Variants in KRT84 observed in about 807,000 individuals in gnomAD.
The protein encoded by KRT84 is keratin, type II cuticular Hb4.
Under a neutral mutation model 49.0 loss-of-function variants are expected in KRT84, and 38 were observed. The ratio of observed to expected loss-of-function variants is 0.78; its 90% CI spans 0.60 to 1.02. KRT84 has a LOEUF of 1.02. Ranked by LOEUF, KRT84 falls within the 50% of genes least tolerant of loss-of-function variation. KRT84 has a pLI of 0.00. For missense variants in KRT84, 860 were observed against 788.6 expected, an observed-to-expected ratio of 1.09 and a Z score of -1.08; for synonymous variants, 334 against 312.8, an observed-to-expected ratio of 1.07 and a Z score of -0.72.
upstream of KRT84, among the ~76,000 whole-genome samples, chr12:52,385,957 G>C (rs1338871935): frequency 6.6e-6 from 1 of 152,152 alleles, no homozygotes; most frequent in African/African-American, 2.4e-5. Flanking sequence ...GGTCATAAAT[G>C]CAATAGGTTT....
chr12:52,386,754 A>T (rs1394933703), upstream of KRT84, among the ~76,000 whole-genome samples: 5 of 152,342 alleles, frequency 3.3e-5, no homozygotes, highest in Admixed American at 1.3e-4. Flanking sequence ...AAAAGTTCTC[A>T]GCAGCTGAAT....
At chr12:52,381,611 C>T (rs883710) in intron 4 of KRT84, 86 bp from the exon 5 acceptor site, 311,821 of 1,351,240 alleles carry the variant, frequency 0.23, 41,363 homozygotes, top group African/African-American at 0.57. Context: ...GGAAGTGGTG[C>T]CAGGGGCAGA....
At chr12:52,379,610 C>T (rs1227906852) in intron 8 of KRT84, among the ~76,000 whole-genome samples, 1 of 152,206 alleles carries the variant, frequency 6.6e-6, no homozygotes, top group Non-Finnish European at 1.5e-5. Context: ...GACAAGGCCG[C>T]TCAAAGCAAA....
In KRT84 at chr12:52,383,004, C is replaced by A. The variant is rs761458044; in HGVS notation, c.816+1G>T. The A allele has an allele frequency of 1.4e-5, 22 of 1,613,514 alleles. No individual in the cohort carries two copies. The highest frequency in any genetic ancestry group is 1.8e-5 in the Non-Finnish European group (21 of 1,179,722). ...TGGCCTGGTCTGTGGTTCCCCCTTACCTTCTTCAGAGCCACAAACTCATTC... is the reference window on the plus strand; with the variant it reads ...TGGCCTGGTCTGTGGTTCCCCCTTAACTTCTTCAGAGCCACAAACTCATTC... On this transcript the variant is annotated splice_donor_variant, in intron 3 of 8. Transcript: ENST00000257951. LOFTEE classifies it high-confidence loss of function.
chr12:52,383,903 G>C, intron 1 of KRT84, 105 bp from the exon 2 acceptor site: 1 of 883,140 alleles, frequency 1.1e-6, no homozygotes, highest in Admixed American at 2.3e-5. Context: ...ATGTCGACAG[G>C]GTTCTCTCCT....
chr12:52,380,966 TC>T (rs1405809415), intron 6 of KRT84, 113 bp downstream of exon 6: 4 of 1,398,324 alleles, frequency 2.9e-6, no homozygotes, highest in Non-Finnish European at 3.9e-6. Flanking sequence ...ATCCCTCCAT[TC>T]CTTGGTTTCT....
rs1434959794 is a variant in KRT84 at position 52,378,268 on chromosome 12, G to A, written c.1569C>T (p.Thr523=). 4 of 1,553,884 alleles carry A rather than the reference G, an allele frequency of 2.6e-6. No homozygotes were observed. Among genetic ancestry groups the A allele is most frequent in the Non-Finnish European group, 3.5e-6 (4 of 1,150,758 alleles). Residue 523 remains threonine (T), a synonymous_variant, in exon 9 of 9, where the codon ACC becomes ACT. Coordinates refer to ENST00000257951, the MANE Select transcript of KRT84 (RefSeq NM_033045.4). ...GGCCACAGGAAGCCAGGACCCCACT[G>A]GTGGCACAGACGCTGCTGCTACCTG... ...TFSGSSSVCA[T]SGVLASCGPS... is the part of the protein sequence containing the mutation.
intron 7 of KRT84, 151 bp from the exon 8 acceptor site, chr12:52,380,058 C>T (rs958056441): frequency 1.9e-5 from 14 of 722,810 alleles, no homozygotes; most frequent in Non-Finnish European, 2.8e-5. Flanking sequence ...TTGAAAAACA[C>T]GTTCTTAGAC....
At chr12:52,385,966 T>A (rs186162430), upstream of KRT84, among the ~76,000 whole-genome samples, 2 of 152,320 alleles carry the variant, frequency 1.3e-5, no homozygotes, top group Admixed American at 6.5e-5. Flanking sequence ...TGCAATAGGT[T>A]TTTTCACTGT....
intron 1 of KRT84, 103 bp from the exon 2 acceptor site, chr12:52,383,901 AG>A: frequency 1.1e-6 from 1 of 908,660 alleles, no homozygotes; most frequent in Non-Finnish European, 1.7e-6. Flanking sequence ...ACATGTCGAC[AG>A]GGTTCTCTCC....
chr12:52,385,310 A>C lies in KRT84; in HGVS notation c.276T>G (p.Gly92=), dbSNP rs536401445. ...GCGMGFGDGR[G]VGLGPRADSC... ...TGTCAGCCCTAGGCCCCAGACCAAC[A>C]CCTCTCCCATCACCAAAACCCATCC... The change falls in exon 1 of 9, where the codon GGT becomes GGG. Residue 92 remains glycine, a synonymous_variant. Transcript: ENST00000257951. 6.2e-7 allele frequency: 1 copy of C among 1,613,670 alleles called. No individual in the cohort carries two copies. The highest frequency in any genetic ancestry group is 1.1e-5 in the South Asian group (1 of 91,046).
At chr12:52,385,920 G>A (rs1184934927), upstream of KRT84, among the ~76,000 whole-genome samples, 1 of 152,078 alleles carries the variant, frequency 6.6e-6, no homozygotes, top group Admixed American at 6.5e-5. Context: ...TACCACAATT[G>A]CCATTAAGGG....
At position 52,380,442 on chromosome 12, in the gene KRT84, G is replaced by A. The variant is rs772811613; in HGVS notation, c.1345C>T (p.Gln449Ter). 3 of 1,614,190 alleles carry A rather than the reference G, an allele frequency of 1.9e-6. No individual in the cohort carries two copies. The Admixed American group carries it at 5.0e-5, about 27-fold the overall frequency. ...CCCAGCTTGGCATTCATCAGCTCCTGGTACTCGCACAGCTGCCGCGCCATG... is the reference window on the plus strand; with the variant it reads ...CCCAGCTTGGCATTCATCAGCTCCTAGTACTCGCACAGCTGCCGCGCCATG... ...QDMARQLCEY[Q>*]ELMNAKLGLD... Residue 449 changes from glutamine (Q) to a stop codon, truncating the protein, a stop_gained, in exon 7 of 9, where the codon CAG becomes TAG. Coordinates refer to ENST00000257951, the MANE Select transcript of KRT84 (RefSeq NM_033045.4). LOFTEE classifies it high-confidence loss of function.
chr12:52,379,970 A>G, intron 7 of KRT84, 63 bp from the exon 8 acceptor site: 2 of 1,437,196 alleles, frequency 1.4e-6, no homozygotes, highest in Non-Finnish European at 2.0e-6. Flanking sequence ...CCTATTTGCC[A>G]TAAAAAGGGC....
intron 8 of KRT84, 109 bp from the exon 9 acceptor site, chr12:52,378,489 T>C: frequency 1.2e-6 from 1 of 809,150 alleles, no homozygotes; most frequent in East Asian, 3.1e-5. Context: ...GGGGTCAGGG[T>C]TGTGGCATCT....
At position 52,382,545 on chromosome 12, in the gene KRT84, GAGA is replaced by G. The variant is rs1565775857; in HGVS notation, c.817-16_817-14del. 1 of 1,604,780 alleles carries G rather than the reference GAGA, an allele frequency of 6.2e-7. No homozygotes were observed. The highest frequency in any genetic ancestry group is 8.5e-7 in the Non-Finnish European group (1 of 1,171,568). Reference sequence around the variant, plus strand: ...CTGCATCCACATCCTGTATAAAACAGAGAAGGATAAATACTCATCGCCTGGGCA... The same window carrying G: ...CTGCATCCACATCCTGTATAAAACAGAGGATAAATACTCATCGCCTGGGCA... On this transcript the variant is annotated splice_polypyrimidine_tract_variant and intron_variant, in intron 3 of 8. Transcript: ENST00000257951.
At position 52,378,101 on chromosome 12, in the gene KRT84, C is replaced by A. The variant is rs200967408; in HGVS notation, c.1736G>T (p.Cys579Phe). The part of the protein sequence containing the change: ...PLPTQGGFSS[C>F]SGGRSSSVRF... ...GACGCTGGAGCTGCGGCCGCCGCTG[C>A]AGCTGCTGAAGCCCCCCTGGGTGGG... is the stretch of plus-strand genomic sequence containing the variant. Residue 579 changes from cysteine to phenylalanine, a missense_variant, in exon 9 of 9, where the codon TGC (cysteine) becomes TTC (phenylalanine). Transcript: ENST00000257951. The A allele has an allele frequency of 1.1e-5, 16 of 1,513,050 alleles. No homozygotes were observed. The African/African-American group carries it at 2.0e-4, about 19-fold the overall frequency. 93.7% of individuals were successfully genotyped at this position (1,513,050 alleles called of 1,614,324 possible). A position where few individuals can be genotyped will look rare whatever the true frequency, so the allele number is the denominator to read the frequency against.
chr12:52,382,480 G>A lies in KRT84; in HGVS notation c.869C>T (p.Thr290Ile), dbSNP rs771725015. 1 of 1,614,110 alleles carries A rather than the reference G, an allele frequency of 6.2e-7. No homozygotes were observed. The highest frequency in any genetic ancestry group is 1.1e-5 in the South Asian group (1 of 91,074). ...NKSDLEANVD[T>I]LTQEIDFLKT... ...TAGAAAGTCAATTTCCTGAGTTAGG[G>A]TATCCACGTTGGCCTCGAGATCAGA... The change falls in exon 4 of 9, where the codon ACC (threonine) becomes ATC (isoleucine). Residue 290 changes from threonine (T) to isoleucine (I), a missense_variant. Transcript: ENST00000257951.
intron 6 of KRT84, 41 bp downstream of exon 6, chr12:52,381,039 T>G (rs1389834685): frequency 6.2e-7 from 1 of 1,605,360 alleles, no homozygotes; most frequent in Admixed American, 1.7e-5. Flanking sequence ...GAGGCCCTGG[T>G]TCTCCCTCAT....
Sources: allele counts gnomAD v4.1 joint callset (sites outside exome capture counted in the v4.1 genomes callset), GRCh38; gene constraint gnomAD v4.1.1; transcripts MANE v1.5; gene names NCBI Gene and HGNC (gene_info 2026-07-23, HGNC 2026-07-21).